HDLBP: variants seen among roughly 807,000 people sequenced by gnomAD.
HDLBP encodes vigilin.
A neutral mutation model predicts 137.3 loss-of-function variants in HDLBP; 30 were observed. That is an observed-to-expected ratio of 0.22 (90% confidence interval 0.16 to 0.30). The LOEUF (loss-of-function observed/expected upper bound fraction) is 0.30. Ranked by LOEUF, HDLBP falls within the 10% of genes least tolerant of loss-of-function variation. The pLI is 1.00. For missense variants in HDLBP, 1,119 were observed against 1,667.3 expected (o/e 0.67, Z 5.73); for synonymous variants, 606 against 596.0 (o/e 1.02, Z -0.24).
At position 241,239,953 on chromosome 2, in the gene HDLBP, T is replaced by C; in HGVS notation, c.2339A>G (p.Glu780Gly). The C allele has an allele frequency of 6.2e-7, 1 of 1,614,206 alleles. No individual in the cohort carries two copies. The highest frequency in any genetic ancestry group is 8.5e-7 in the Non-Finnish European group (1 of 1,180,030). The change falls in exon 18 of 28, where the codon GAG (glutamate) becomes GGG (glycine). Residue 780 changes from glutamate (E) to glycine (G), a missense_variant. By Grantham distance (98) the Glu-to-Gly change is moderately conservative. Transcript: ENST00000310931. This position sits in a 1 kb window ranked among gnomAD's most constrained non-coding sequence, Gnocchi z 4.6. Reference protein sequence around the residue: ...DQDLITIIGKEDAVREAQKEL... With the variant: ...DQDLITIIGKGDAVREAQKEL... ...CTTCTGTGCCTCTCGGACGGCGTCC[T>C]CCTTTCCAATGATGGTGATCAGGTC...
At chr2:241,300,565 G>C (rs557351196) in intron 1 of HDLBP, among the ~76,000 whole-genome samples, 1 of 152,168 alleles carries the variant, frequency 6.6e-6, no homozygotes, top group Non-Finnish European at 1.5e-5. Context: ...GAATCCTAAT[G>C]CATGCCAAAT....
At chr2:241,241,049 C>T (rs1386238358) in intron 17 of HDLBP, among the ~76,000 whole-genome samples, 2 of 152,112 alleles carry the variant, frequency 1.3e-5, no homozygotes, top group African/African-American at 4.8e-5. Flanking sequence ...CAGCATTAGT[C>T]AAACATTAGG....
chr2:241,235,293 C>G (rs760883733), intron 22 of HDLBP, 38 bp from the exon 23 acceptor site: 2 of 1,613,812 alleles, frequency 1.2e-6, no homozygotes, highest in Non-Finnish European at 8.5e-7. Context: ...TTCAGGACCC[C>G]AGAGAACAGG....
chr2:241,273,697 A>G lies in HDLBP; in HGVS notation c.-102-5156T>C, dbSNP rs942196650. On this transcript the variant is annotated intron_variant, in intron 1 of 27. Coordinates refer to ENST00000310931, the MANE Select transcript of HDLBP (RefSeq NM_005336.6). ...GGATCAACTACAGGTATCTGGGGAC[A>G]AGACCGTCCCACACAGGGGAAGAGG... The G allele has an allele frequency of 1.1e-5, 11 of 980,876 alleles. No individual in the cohort carries two copies. In the African/African-American group the frequency reaches 1.9e-4, roughly 17 times the overall value. 60.8% of individuals were successfully genotyped at this position (980,876 alleles called of 1,614,324 possible).
intron 1 of HDLBP, among the ~76,000 whole-genome samples, chr2:241,311,443 C>T (rs760675325): frequency 6.6e-6 from 1 of 152,254 alleles, no homozygotes; most frequent in South Asian, 2.1e-4. Context: ...ACATAGGTTC[C>T]AGAAAAGTGA....
At position 241,249,886 on chromosome 2, in the gene HDLBP, G is replaced by T. The variant is rs766512398; in HGVS notation, c.1467C>A (p.Gly489=). Residue 489 remains glycine (G), a synonymous_variant, in exon 12 of 28, where the codon GGC becomes GGA. Coordinates refer to ENST00000310931, the MANE Select transcript of HDLBP (RefSeq NM_005336.6). ...NLIRIEGDPQ[G]VQQAKRELLE... ...GCAGCTCTCGCTTGGCCTGCTGCACGCCCTGTGGGTCCCCCTCGATGCGGA... is the reference window on the plus strand; with the variant it reads ...GCAGCTCTCGCTTGGCCTGCTGCACTCCCTGTGGGTCCCCCTCGATGCGGA... 1 of 1,613,826 alleles carries T rather than the reference G, an allele frequency of 6.2e-7. No individual in the cohort carries two copies. Among genetic ancestry groups the T allele is most frequent in the Non-Finnish European group, 8.5e-7 (1 of 1,179,856 alleles).
At position 241,255,354 on chromosome 2, in the gene HDLBP, T is replaced by G. The variant is rs367702682; in HGVS notation, c.1080+20A>C. 52 of 1,608,070 alleles carry G rather than the reference T, an allele frequency of 3.2e-5. No individual in the cohort carries two copies. Among genetic ancestry groups the G allele is most frequent in the Non-Finnish European group, 4.3e-5 (50 of 1,174,686 alleles). On this transcript the variant is annotated intron_variant, in intron 8 of 27. Coordinates refer to ENST00000310931, the MANE Select transcript of HDLBP (RefSeq NM_005336.6). ...GGACTCCACTCAAAGGAGACACACT[T>G]CATGCTCGGAGGCAGTTACCTTGGC...
intron 1 of HDLBP, among the ~76,000 whole-genome samples, chr2:241,282,668 A>G (rs2074650352): frequency 6.6e-6 from 1 of 152,076 alleles, no homozygotes; most frequent in African/African-American, 2.4e-5. Context: ...TTGTCATTGT[A>G]TCTGTTATGG....
At chr2:241,275,196 G>A (rs545666825) in intron 1 of HDLBP, among the ~76,000 whole-genome samples, 89 of 151,974 alleles carry the variant, frequency 5.9e-4, no homozygotes, top group African/African-American at 2.1e-3. Flanking sequence ...CCCCGCCTCA[G>A]GAAAGAATAA....
chr2:241,278,166 A>G (rs559693942), intron 1 of HDLBP, among the ~76,000 whole-genome samples: 35 of 152,222 alleles, frequency 2.3e-4, no homozygotes, highest in Non-Finnish European at 3.7e-4. Flanking sequence ...CAGAAATAGA[A>G]AAACAAATAT....
chr2:241,259,249 T>TCAAACAA (rs1221789199), intron 5 of HDLBP, among the ~76,000 whole-genome samples: 1 of 152,152 alleles, frequency 6.6e-6, no homozygotes, highest in Non-Finnish European at 1.5e-5. Flanking sequence ...GCTTCTGCTC[T>TCAAACAA]CAAACAACAA....
chr2:241,309,532 G>A (rs192467109), intron 1 of HDLBP, among the ~76,000 whole-genome samples: 6 of 152,266 alleles, frequency 3.9e-5, no homozygotes, highest in Admixed American at 1.3e-4. Context: ...ATCCTGTATC[G>A]GCAATGGGGA....
In HDLBP at chr2:241,230,334, T is replaced by G; in HGVS notation, c.3475-65A>C. ...CGAGGAAAAGGGTTAAAATTATGTG[T>G]CAATTTCTAGTGAAGCATTTTCTGA... On this transcript the variant is annotated intron_variant, in intron 25 of 27. Coordinates refer to ENST00000310931, the MANE Select transcript of HDLBP (RefSeq NM_005336.6). The surrounding 1 kb of genome is among the most constrained non-coding windows in gnomAD (Gnocchi z 5.0). The G allele has an allele frequency of 2.0e-6, 2 of 1,004,076 alleles. No individual in the cohort carries two copies. Among genetic ancestry groups the G allele is most frequent in the East Asian group, 4.9e-5 (2 of 41,164 alleles). 62.2% of individuals were successfully genotyped at this position (1,004,076 alleles called of 1,614,324 possible). A position where few individuals can be genotyped will look rare whatever the true frequency, so the allele number is the denominator to read the frequency against.
At chr2:241,289,600 A>G (rs1263581720) in intron 1 of HDLBP, among the ~76,000 whole-genome samples, 2 of 152,214 alleles carry the variant, frequency 1.3e-5, no homozygotes, top group Non-Finnish European at 2.9e-5. Context: ...ATAAAGAGAG[A>G]AAACTGGGCA....
chr2:241,297,100 T>C (rs933874920), intron 1 of HDLBP, among the ~76,000 whole-genome samples: 16 of 130,588 alleles, frequency 1.2e-4, no homozygotes, highest in African/African-American at 3.2e-4. Flanking sequence ...AGAGAGCGTG[T>C]AGGACTTGGA....
rs560581346 is a variant in HDLBP at position 241,292,997 on chromosome 2, G to A, written c.-103+22573C>T. 6.6e-5 allele frequency among the ~76,000 whole-genome samples: 10 copies of A among 151,878 alleles called. No homozygotes were observed. In the South Asian group the frequency reaches 1.5e-3, roughly 22 times the overall value. ...TGCAGTGAGCTGTGCCACTGCACTC[G>A]GCCTGGGCAACAAAGCGAGACCCCG... On this transcript the variant is annotated intron_variant, in intron 1 of 27. Transcript: ENST00000310931.
At chr2:241,270,295 G>GTT (rs1463793725) in intron 1 of HDLBP, among the ~76,000 whole-genome samples, 2 of 152,176 alleles carry the variant, frequency 1.3e-5, no homozygotes, top group African/African-American at 4.8e-5. Flanking sequence ...AGGCAGCCAG[G>GTT]TAAGGCAGAA....
chr2:241,272,022 TA>T lies in HDLBP; in HGVS notation c.-102-3482del. Reference sequence around the variant, plus strand: ...GAGGGCCCGCGGGCGGGGACAGGCTTAAAGGGACAGCAACCCCTCGGCCTCC... The same window carrying T: ...GAGGGCCCGCGGGCGGGGACAGGCTTAAGGGACAGCAACCCCTCGGCCTCC... On this transcript the variant is annotated intron_variant, in intron 1 of 27. Coordinates refer to ENST00000310931, the MANE Select transcript of HDLBP (RefSeq NM_005336.6). This position sits in a 1 kb window ranked among gnomAD's most constrained non-coding sequence, Gnocchi z 5.6. The T allele has an allele frequency of 4.5e-6, 1 of 221,798 alleles. No homozygotes were observed. Among genetic ancestry groups the T allele is most frequent in the Non-Finnish European group, 7.6e-6 (1 of 131,844 alleles). 13.7% of individuals were successfully genotyped at this position (221,798 alleles called of 1,614,324 possible). A position where few individuals can be genotyped will look rare whatever the true frequency, so the allele number is the denominator to read the frequency against.
Position 241,272,445 on chromosome 2 carries a change from G to T in HDLBP, c.-102-3904C>A. ...CGAAGCCCCGGGAGGAGGCGGGGGAGCCCAGCTTGCAGCCAAGAGCGGCCC... is the reference window on the plus strand; with the variant it reads ...CGAAGCCCCGGGAGGAGGCGGGGGATCCCAGCTTGCAGCCAAGAGCGGCCC... On this transcript the variant is annotated intron_variant, in intron 1 of 27. Coordinates refer to ENST00000310931, the MANE Select transcript of HDLBP (RefSeq NM_005336.6). This position sits in a 1 kb window ranked among gnomAD's most constrained non-coding sequence, Gnocchi z 5.6. 1.0e-6 allele frequency: 1 copy of T among 984,480 alleles called. No homozygotes were observed. The highest frequency in any genetic ancestry group is 1.2e-6 in the Non-Finnish European group (1 of 829,634). 61.0% of individuals were successfully genotyped at this position (984,480 alleles called of 1,614,324 possible). A position where few individuals can be genotyped will look rare whatever the true frequency, so the allele number is the denominator to read the frequency against.
Sources: gnomAD v4.1 joint callset for allele counts (sites outside exome capture counted in the v4.1 genomes callset) on GRCh38, gnomAD v4.1.1 for gene constraint, Gnocchi (gnomAD v3.1) non-coding constraint, MANE v1.5 for transcripts, NCBI Gene and HGNC (gene_info 2026-07-23, HGNC 2026-07-21) for gene names.